CCDC102A: variants seen among roughly 807,000 people sequenced by gnomAD.
The protein encoded by CCDC102A is coiled-coil domain containing 102A, also known as coiled-coil domain-containing protein 102A.
Under a neutral mutation model 55.5 loss-of-function variants are expected in CCDC102A, and 40 were observed. The observed-to-expected ratio is 0.72, with a 90% CI of 0.56 to 0.94. The LOEUF (loss-of-function observed/expected upper bound fraction) is 0.94, where lower values mean the gene tolerates loss of function less well. Ranked by LOEUF, CCDC102A falls within the 40% of genes least tolerant of loss-of-function variation. The pLI, the probability that CCDC102A is intolerant of heterozygous loss-of-function variation, is 0.00. For missense variants in CCDC102A, 779 were observed against 768.6 expected (o/e 1.01, Z -0.16); for synonymous variants, 323 against 339.0 (o/e 0.95, Z 0.52).
Position 57,512,679 on chromosome 16 carries a change from G to T in CCDC102A, c.*62C>A. On this transcript the variant is annotated 3_prime_UTR_variant, in exon 9 of 9. Transcript: ENST00000258214. ...CCTAGGCACTGCATCAGTTTGAGTG[G>T]CTGGTTAGCCTGGACCCTGGGCAGG... 1 of 1,553,780 alleles carries T rather than the reference G, an allele frequency of 6.4e-7. No individual in the cohort carries two copies. The highest frequency in any genetic ancestry group is 8.7e-7 in the Non-Finnish European group (1 of 1,149,610).
intron 1 of CCDC102A, among the ~76,000 whole-genome samples, chr16:57,531,766 C>T (rs776673500): frequency 9.2e-5 from 14 of 152,182 alleles, no homozygotes; most frequent in Non-Finnish European, 1.8e-4. Context: ...CCTAATTTCT[C>T]CCTTGCCAGC....
At position 57,528,801 on chromosome 16, in the gene CCDC102A, C is replaced by G. The variant is rs1379656792; in HGVS notation, c.377G>C (p.Arg126Pro). 4 of 1,222,874 alleles carry G rather than the reference C, an allele frequency of 3.3e-6. No individual in the cohort carries two copies. The highest frequency in any genetic ancestry group is 4.1e-6 in the Non-Finnish European group (4 of 972,732). The allele number at this position is 1,222,874 out of a possible 1,614,324, so 75.8% of individuals were successfully genotyped here. A position where few individuals can be genotyped will look rare whatever the true frequency, so the allele number is the denominator to read the frequency against. The part of the protein sequence containing the change: ...NRAREEVRQL[R>P]QRLDALTKEL... Reference sequence around the variant, plus strand: ...CTTGGTGAGCGCGTCCAGGCGCTGGCGCAGCTGGCGCACCTCCTCGCGCGC... The same window carrying G: ...CTTGGTGAGCGCGTCCAGGCGCTGGGGCAGCTGGCGCACCTCCTCGCGCGC... The change falls in exon 2 of 9, where the codon CGC becomes CCC. Residue 126 changes from arginine to proline, a missense_variant. Transcript: ENST00000258214.
chr16:57,533,476 ACATT>A (rs1241446748), intron 1 of CCDC102A, among the ~76,000 whole-genome samples: 5 of 150,944 alleles, frequency 3.3e-5, no homozygotes, highest in East Asian at 3.9e-4. Flanking sequence ...AGTAATGCAC[ACATT>A]CACACACACA....
In CCDC102A at chr16:57,529,182, C is replaced by G; in HGVS notation, c.-5G>C. 1 of 1,179,102 alleles carries G rather than the reference C, an allele frequency of 8.5e-7. No individual in the cohort carries two copies. Among genetic ancestry groups the G allele is most frequent in the Non-Finnish European group, 1.0e-6 (1 of 953,480 alleles). 73.0% of individuals were successfully genotyped at this position (1,179,102 alleles called of 1,614,324 possible). A position where few individuals can be genotyped will look rare whatever the true frequency, so the allele number is the denominator to read the frequency against. ...GGGGCTGGGCCCGTGGCTCATGGTG[C>G]GGCCGGGCGGGCCCTGAGCTCGAAC... On this transcript the variant is annotated 5_prime_UTR_variant, in exon 2 of 9. Coordinates refer to ENST00000258214, the MANE Select transcript of CCDC102A (RefSeq NM_033212.4). This position sits in a 1 kb window ranked among gnomAD's most constrained non-coding sequence, Gnocchi z 4.1.
intron 3 of CCDC102A, among the ~76,000 whole-genome samples, chr16:57,522,550 G>A (rs925117899): frequency 6.6e-6 from 1 of 152,120 alleles, no homozygotes; most frequent in Admixed American, 6.5e-5. Flanking sequence ...CACGGTGCCC[G>A]GCTGCACTTT....
chr16:57,517,892 T>C (rs189352543), intron 6 of CCDC102A, among the ~76,000 whole-genome samples, 176 bp downstream of exon 6: 1 of 152,350 alleles, frequency 6.6e-6, no homozygotes. Context: ...GCTTGGCACA[T>C]AGTAAGTGCT....
Position 57,528,672 on chromosome 16 carries a change from T to C in CCDC102A, c.506A>G (p.Gln169Arg). The C allele has an allele frequency of 1.8e-6, 2 of 1,140,952 alleles. No homozygotes were observed. Among genetic ancestry groups the C allele is most frequent in the Middle Eastern group, 3.7e-4 (1 of 2,668 alleles). 70.7% of individuals were successfully genotyped at this position (1,140,952 alleles called of 1,614,324 possible). ...RLRGARGVAD[Q>R]TRDGPEPEAE... Reference sequence around the variant, plus strand: ...TTCCGGCTCGGGGCCGTCGCGCGTCTGGTCGGCGACCCCCCGGGCGCCCCT... The same window carrying C: ...TTCCGGCTCGGGGCCGTCGCGCGTCCGGTCGGCGACCCCCCGGGCGCCCCT... The change falls in exon 2 of 9, where the codon CAG becomes CGG. Residue 169 changes from glutamine to arginine, a missense_variant. By Grantham distance (43) the Gln-to-Arg change is conservative. Transcript: ENST00000258214.
chr16:57,533,611 C>T (rs2032314437), intron 1 of CCDC102A, among the ~76,000 whole-genome samples: 1 of 151,026 alleles, frequency 6.6e-6, no homozygotes, highest in South Asian at 2.1e-4. Flanking sequence ...GCCCCAGGGA[C>T]CCGCACTCAC....
chr16:57,535,411 G>T (rs2146726788), intron 1 of CCDC102A, among the ~76,000 whole-genome samples: 1 of 152,266 alleles, frequency 6.6e-6, no homozygotes, highest in South Asian at 2.1e-4. Flanking sequence ...ACCAACTGAG[G>T]CCCAGAGGGA....
At chr16:57,531,537 A>G (rs1239336214) in intron 1 of CCDC102A, among the ~76,000 whole-genome samples, 1 of 152,114 alleles carries the variant, frequency 6.6e-6, no homozygotes, top group African/African-American at 2.4e-5. Context: ...TCTCAACAGC[A>G]ACAGCCAGAG....
intron 1 of CCDC102A, among the ~76,000 whole-genome samples, chr16:57,535,492 T>A (rs1182071861): frequency 6.6e-6 from 1 of 152,076 alleles, no homozygotes; most frequent in Non-Finnish European, 1.5e-5. Context: ...ATGGGATGCC[T>A]CCTCTTCTGG....
At position 57,528,843 on chromosome 16, in the gene CCDC102A, C is replaced by A; in HGVS notation, c.335G>T (p.Arg112Leu). Residue 112 changes from arginine (R) to leucine (L), a missense_variant, in exon 2 of 9, where the codon CGC becomes CTC. Transcript: ENST00000258214. ...ANWREKWSKV[R>L]AERNRAREEV... is the part of the protein sequence containing the mutation. ...CTCGCGCGCGCGGTTGCGCTCAGCGCGCACCTTGCTCCATTTCTCGCGCCA... is the reference window on the plus strand; with the variant it reads ...CTCGCGCGCGCGGTTGCGCTCAGCGAGCACCTTGCTCCATTTCTCGCGCCA... 1 of 1,326,514 alleles carries A rather than the reference C, an allele frequency of 7.5e-7. No individual in the cohort carries two copies. Among genetic ancestry groups the A allele is most frequent in the Non-Finnish European group, 9.7e-7 (1 of 1,028,670 alleles). The allele number at this position is 1,326,514 out of a possible 1,614,324, so 82.2% of individuals were successfully genotyped here.
Position 57,528,867 on chromosome 16 carries a change from C to G in CCDC102A, c.311G>C (p.Trp104Ser). Residue 104 changes from tryptophan (W) to serine (S), a missense_variant, in exon 2 of 9, where the codon TGG becomes TCG. Coordinates refer to ENST00000258214, the MANE Select transcript of CCDC102A (RefSeq NM_033212.4). ...MRRWSDCTAN[W>S]REKWSKVRAE... ...GCGCACCTTGCTCCATTTCTCGCGC[C>G]AATTGGCAGTGCAGTCCGACCACCG... is the stretch of plus-strand genomic sequence containing the variant. 3 of 1,362,588 alleles carry G rather than the reference C, an allele frequency of 2.2e-6. No individual in the cohort carries two copies. Among genetic ancestry groups the G allele is most frequent in the Non-Finnish European group, 2.9e-6 (3 of 1,050,038 alleles). The allele number at this position is 1,362,588 out of a possible 1,614,324, so 84.4% of individuals were successfully genotyped here. A position where few individuals can be genotyped will look rare whatever the true frequency, so the allele number is the denominator to read the frequency against.
At chr16:57,524,015 T>C (rs1338344640) in intron 3 of CCDC102A, among the ~76,000 whole-genome samples, 23 of 152,112 alleles carry the variant, frequency 1.5e-4, no homozygotes, top group Admixed American at 1.3e-3. Flanking sequence ...CAGTGCCTTA[T>C]TCAAGATCAA....
intron 4 of CCDC102A, among the ~76,000 whole-genome samples, chr16:57,520,602 TAAAATAAATA>T (rs149415846): frequency 0.03 from 4,033 of 135,762 alleles, 125 homozygotes; most frequent in African/African-American, 0.057. Flanking sequence ...ATAAATAAAA[TAAAATAAATA>T]AAATAAAATA....
intron 8 of CCDC102A, among the ~76,000 whole-genome samples, chr16:57,514,040 C>G (rs1598069040): frequency 6.6e-6 from 1 of 152,112 alleles, no homozygotes; most frequent in Non-Finnish European, 1.5e-5. Flanking sequence ...CTGCCAGCCC[C>G]CTAGGAAAAA....
In CCDC102A at chr16:57,525,931, T is replaced by A. The variant is rs1236122223; in HGVS notation, c.782A>T (p.Glu261Val). The A allele has an allele frequency of 3.1e-6, 5 of 1,612,046 alleles. 1 individual carries two copies. Reference protein sequence around the residue: ...KLTALRLRLDESQKVLLKERE... With the variant: ...KLTALRLRLDVSQKVLLKERE... ...CTCCTTGAGCAGCACCTTCTGGGAC[T>A]CATCCAGCCGTAGCCGCAGGGCGGT... Residue 261 changes from glutamate (E) to valine (V), a missense_variant, in exon 3 of 9, where the codon GAG (glutamate) becomes GTG (valine). Glu to Val is a moderately radical substitution (Grantham distance 121). Coordinates refer to ENST00000258214, the MANE Select transcript of CCDC102A (RefSeq NM_033212.4).
chr16:57,526,006 C>T lies in CCDC102A; in HGVS notation c.707G>A (p.Arg236Gln), dbSNP rs151092408. 2.3e-5 allele frequency: 37 copies of T among 1,607,128 alleles called. No individual in the cohort carries two copies. The East Asian group carries it at 3.4e-4, about 15-fold the overall frequency. The change falls in exon 3 of 9, where the codon CGG (arginine) becomes CAG (glutamine). Residue 236 changes from arginine to glutamine, a missense_variant. Transcript: ENST00000258214. ...GGCAGCTGTGTCCTCCCAGGGTAGC[C>T]GGCTGCGCTCCTGGCGGCCTGAGCT... The part of the protein sequence containing the change: ...RGSSGRQERS[R>Q]LPWEDTAATE...
intron 7 of CCDC102A, 94 bp from the exon 8 acceptor site, chr16:57,515,538 G>A: frequency 1.3e-6 from 1 of 751,066 alleles, no homozygotes; most frequent in East Asian, 2.7e-5. Flanking sequence ...GCTGTTCCCT[G>A]GGAAGGTGCT....
Sources: allele counts gnomAD v4.1 joint callset (sites outside exome capture counted in the v4.1 genomes callset), GRCh38; gene constraint gnomAD v4.1.1; non-coding constraint Gnocchi (gnomAD v3.1); transcripts MANE v1.5; gene names NCBI Gene and HGNC (gene_info 2026-07-23, HGNC 2026-07-21).